SLC25A23: variants seen among roughly 807,000 people sequenced by gnomAD.
SLC25A23 encodes mitochondrial adenyl nucleotide antiporter SLC25A23.
A neutral mutation model predicts 53.9 loss-of-function variants in SLC25A23; 32 were observed. That is an observed-to-expected ratio of 0.59 (90% CI 0.45 to 0.80). SLC25A23 has a LOEUF of 0.80. SLC25A23 is among the 30% of genes least tolerant of loss of function. The pLI is 0.00. For synonymous variants in SLC25A23, 275 were observed against 264.5 expected, an observed-to-expected ratio of 1.04 and a Z score of -0.38; for missense variants, 575 against 651.4, an observed-to-expected ratio of 0.88 and a Z score of 1.28.
downstream of SLC25A23, among the ~76,000 whole-genome samples, chr19:6,439,412 C>CAG (rs1300603708): frequency 4.1e-5 from 6 of 145,830 alleles, no homozygotes; most frequent in Non-Finnish European, 7.6e-5. Context: ...CACACACACA[C>CAG]ACACACACAC....
intron 4 of SLC25A23, among the ~76,000 whole-genome samples, chr19:6,455,047 G>A (rs1246313904): frequency 6.6e-6 from 1 of 152,114 alleles, no homozygotes; most frequent in East Asian, 1.9e-4. Context: ...CCAGCACTTT[G>A]GGAGGCCCAA....
chr19:6,442,289 T>C (rs1019005031), intron 9 of SLC25A23, 130 bp from the exon 10 acceptor site: 4 of 632,262 alleles, frequency 6.3e-6, no homozygotes, highest in Non-Finnish European at 1.1e-5. Flanking sequence ...CAGTGGGACC[T>C]ACCACTCAGA....
At chr19:6,439,410 C>CAA (rs2092383562), downstream of SLC25A23, among the ~76,000 whole-genome samples, 1 of 145,580 alleles carries the variant, frequency 6.9e-6, no homozygotes, top group Non-Finnish European at 1.5e-5. Flanking sequence ...CACACACACA[C>CAA]ACACACACAC....
intron 8 of SLC25A23, among the ~76,000 whole-genome samples, chr19:6,450,135 G>C (rs1003284337): frequency 6.6e-6 from 1 of 151,710 alleles, no homozygotes; most frequent in Non-Finnish European, 1.5e-5. Flanking sequence ...TGGGATTATA[G>C]GTGTGAGCCA....
downstream of SLC25A23, chr19:6,436,413 G>A (rs531163601): frequency 4.4e-6 from 2 of 456,112 alleles, no homozygotes; most frequent in South Asian, 3.1e-5. Flanking sequence ...TATTGGCTGA[G>A]TTCCTTACCA....
intron 8 of SLC25A23, 34 bp from the exon 9 acceptor site, chr19:6,444,335 T>TGGGGGG: frequency 8.5e-6 from 7 of 826,846 alleles, no homozygotes; most frequent in Non-Finnish European, 1.2e-5. Context: ...AGGGTTGGGG[T>TGGGGGG]GGGTGACCCT....
chr19:6,441,997 G>A lies in SLC25A23; in HGVS notation c.1385C>T (p.Ala462Val), dbSNP rs2092428052. 4 of 1,613,736 alleles carry A rather than the reference G, an allele frequency of 2.5e-6. No individual in the cohort carries two copies. The highest frequency in any genetic ancestry group is 1.3e-5 in the African/African-American group (1 of 74,860). The change falls in exon 10 of 10, where the codon GCC (alanine) becomes GTC (valine). Residue 462 changes from alanine to valine, a missense_variant. Physicochemically the swap from Ala to Val is moderately conservative, Grantham distance 64 (BLOSUM62 0). Transcript: ENST00000301454. ...CCCTCACCTGGACGTGACCCCCAAGGCCTGCTTCATGTTCTCGTAGACCAC... is the reference window on the plus strand; with the variant it reads ...CCCTCACCTGGACGTGACCCCCAAGACCTGCTTCATGTTCTCGTAGACCAC... ...SYVVYENMKQ[A>V]LGVTSR
rs1428489343 is a variant in SLC25A23, at chr19:6,458,287, C to A, written c.194G>T (p.Gly65Val). Reference sequence around the variant, plus strand: ...GCGGGAAAATTCCTCCAGGTCGAGCCCGCCATCTGGGTCAGCATCACCCTC... The same window carrying A: ...GCGGGAAAATTCCTCCAGGTCGAGCACGCCATCTGGGTCAGCATCACCCTC... ...SSEGDADPDG[G>V]LDLEEFSRYL... The change falls in exon 2 of 10, where the codon GGG (glycine) becomes GTG (valine). Residue 65 changes from glycine to valine, a missense_variant. By Grantham distance (109) the Gly-to-Val change is moderately radical. Transcript: ENST00000301454. The A allele has an allele frequency of 6.2e-7, 1 of 1,613,316 alleles. No individual in the cohort carries two copies.
Position 6,454,064 on chromosome 19 carries a change from G to A in SLC25A23, c.820C>T (p.Gln274Ter). 6.2e-7 allele frequency: 1 copy of A among 1,613,400 alleles called. No homozygotes were observed. Among genetic ancestry groups the A allele is most frequent in the Non-Finnish European group, 8.5e-7 (1 of 1,179,890 alleles). Reference sequence around the variant, plus strand: ...CGCTCCTGCACATGCAGTGTCTCCTGCTGCCCCAGGATGGCCCTCTTGATC... The same window carrying A: ...CGCTCCTGCACATGCAGTGTCTCCTACTGCCCCAGGATGGCCCTCTTGATC... ...EQIKRAILGQQETLHVQERFV... is the reference protein window; with the variant it reads ...EQIKRAILGQ Residue 274 changes from glutamine (Q) to a stop codon, truncating the protein, a stop_gained, in exon 7 of 10, where the codon CAG becomes TAG. Coordinates refer to ENST00000301454, the MANE Select transcript of SLC25A23 (RefSeq NM_024103.3). LOFTEE classifies it high-confidence loss of function. This position sits in a 1 kb window ranked among gnomAD's most constrained non-coding sequence, Gnocchi z 4.3.
At chr19:6,445,570 A>T (rs2092491177) in intron 8 of SLC25A23, among the ~76,000 whole-genome samples, 1 of 152,136 alleles carries the variant, frequency 6.6e-6, no homozygotes, top group African/African-American at 2.4e-5. Context: ...AACGAAACAG[A>T]TTTCCTCCTG....
At chr19:6,446,645 G>A (rs1008285082) in intron 8 of SLC25A23, among the ~76,000 whole-genome samples, 4 of 152,190 alleles carry the variant, frequency 2.6e-5, no homozygotes, top group African/African-American at 7.2e-5. Context: ...TCTCTCTGGT[G>A]CAGCATGTCT....
chr19:6,447,613 G>A (rs7252859), intron 8 of SLC25A23, among the ~76,000 whole-genome samples: 1 of 152,048 alleles, frequency 6.6e-6, no homozygotes, highest in African/African-American at 2.4e-5. Context: ...CTCCTGTGTA[G>A]CTGGGATTAC....
rs201625289 is a variant in SLC25A23 at position 6,444,205 on chromosome 19, C to T, written c.1168G>A (p.Gly390Ser). 3 of 1,602,284 alleles carry T rather than the reference C, an allele frequency of 1.9e-6. No homozygotes were observed. Among genetic ancestry groups the T allele is most frequent in the African/African-American group, 2.7e-5 (2 of 74,980 alleles). Residue 390 changes from glycine (G) to serine (S), a missense_variant, in exon 9 of 10, where the codon GGC (glycine) becomes AGC (serine). Gly to Ser is a moderately conservative substitution (Grantham distance 56). Transcript: ENST00000301454. ...GCCAGCGGGTAACTGGCTATCTGGC[C>T]GCAGGTGCTGGATATGGTACCGCAG... Reference protein sequence around the residue: ...LACGTISSTCGQIASYPLALV... With the variant: ...LACGTISSTCSQIASYPLALV...
At chr19:6,442,422 G>A (rs1014767790) in intron 9 of SLC25A23, among the ~76,000 whole-genome samples, 1 of 152,118 alleles carries the variant, frequency 6.6e-6, no homozygotes, top group Admixed American at 6.6e-5. Flanking sequence ...CCTCCTCCTG[G>A]AGCCAGGTTC....
chr19:6,451,903 G>C (rs1163336852), intron 8 of SLC25A23, among the ~76,000 whole-genome samples: 3 of 147,970 alleles, frequency 2.0e-5, no homozygotes, highest in Non-Finnish European at 4.4e-5. Flanking sequence ...CTGTCACCAG[G>C]CTGGAGTGCA....
In SLC25A23 at chr19:6,456,490, C is replaced by T. The variant is rs765680503; in HGVS notation, c.413G>A (p.Trp138Ter). The T allele has an allele frequency of 6.2e-7, 1 of 1,613,732 alleles. No individual in the cohort carries two copies. The highest frequency in any genetic ancestry group is 8.5e-7 in the Non-Finnish European group (1 of 1,179,966). The change falls in exon 4 of 10, where the codon TGG becomes TAG. Residue 138 changes from tryptophan to a stop codon, truncating the protein, a stop_gained. Coordinates refer to ENST00000301454, the MANE Select transcript of SLC25A23 (RefSeq NM_024103.3). LOFTEE classifies it high-confidence loss of function. ...DGTMTIDWQE[W>*]RDHFLLHSLE... ...CGAATGCAACAGGAAGTGGTCGCGC[C>T]ATTCTTGCCAGTCAATGGTCATTGT...
chr19:6,457,617 G>A (rs768329755), intron 2 of SLC25A23, 27 bp from the exon 3 acceptor site: 65 of 1,602,152 alleles, frequency 4.1e-5, no homozygotes, highest in Non-Finnish European at 5.1e-5. Context: ...AGGTGGGGAA[G>A]GATGTGCGTG....
chr19:6,452,412 C>CGCCTG lies in SLC25A23; in HGVS notation c.966_970dup (p.Arg324ProfsTer38). 6.2e-7 allele frequency: 1 copy of CGCCTG among 1,613,868 alleles called. No homozygotes were observed. Among genetic ancestry groups the CGCCTG allele is most frequent in the Non-Finnish European group, 8.5e-7 (1 of 1,179,958 alleles). The stretch of plus-strand genomic sequence containing the variant: ...ACGGGGCCCCTCCCTCTCCAGGATA[C>CGCCTG]GCCTGGCGCAGTCCAGCAGCCCCTT... On this transcript the variant is annotated frameshift_variant, in exon 8 of 10. Transcript: ENST00000301454. LOFTEE classifies it high-confidence loss of function.
At position 6,452,211 on chromosome 19, in the gene SLC25A23, T is replaced by C. The variant is rs746274763; in HGVS notation, c.1071+101A>G. The C allele has an allele frequency of 1.1e-4, 165 of 1,494,368 alleles. 1 individual carries two copies. Among genetic ancestry groups the C allele is most frequent in the Middle Eastern group, 4.6e-4 (2 of 4,346 alleles). 92.6% of individuals were successfully genotyped at this position (1,494,368 alleles called of 1,614,324 possible). Reference sequence around the variant, plus strand: ...CACCTCATAACTGCCTTTCTCTAACTATAGCAGGTCAACTGAGCCAGCCCC... The same window carrying C: ...CACCTCATAACTGCCTTTCTCTAACCATAGCAGGTCAACTGAGCCAGCCCC... On this transcript the variant is annotated intron_variant, in intron 8 of 9. Transcript: ENST00000301454.
Sources: allele counts gnomAD v4.1 joint callset (sites outside exome capture counted in the v4.1 genomes callset), GRCh38; gene constraint gnomAD v4.1.1; non-coding constraint Gnocchi (gnomAD v3.1); transcripts MANE v1.5; gene names NCBI Gene and HGNC (gene_info 2026-07-23, HGNC 2026-07-21).